The following LYN variants were observed in gnomAD, a reference collection of about 807,000 sequenced individuals.
LYN encodes LYN proto-oncogene, Src family tyrosine kinase, also known as tyrosine-protein kinase Lyn.
Under a neutral mutation model 65.0 loss-of-function variants are expected in LYN, and 12 were observed. That is an observed-to-expected ratio of 0.18 (90% CI 0.12 to 0.30). LYN has a LOEUF of 0.30. Ranked by LOEUF, LYN falls within the 10% of genes least tolerant of loss-of-function variation. LYN has a pLI of 1.00. For synonymous variants in LYN, 222 were observed against 221.2 expected, an observed-to-expected ratio of 1.00 and a Z score of -0.03; for missense variants, 380 against 623.2, an observed-to-expected ratio of 0.61 and a Z score of 4.16.
intron 1 of LYN, among the ~76,000 whole-genome samples, chr8:55,887,332 C>T (rs1031918388): frequency 3.3e-5 from 5 of 151,880 alleles, no homozygotes; most frequent in Admixed American, 3.3e-4. Flanking sequence ...TGACATGATA[C>T]CATTTCTGAA....
At chr8:55,955,740 C>T (rs1353640071) in intron 8 of LYN, among the ~76,000 whole-genome samples, 1 of 152,228 alleles carries the variant, frequency 6.6e-6, no homozygotes, top group African/African-American at 2.4e-5. Flanking sequence ...ATGAATTTAA[C>T]CACTCTAGGT....
chr8:55,973,213 A>C (rs1250834949), intron 10 of LYN, among the ~76,000 whole-genome samples: 2 of 152,140 alleles, frequency 1.3e-5, no homozygotes, highest in Admixed American at 1.3e-4. Context: ...AAAGTGGCTA[A>C]GTGCACGTGA....
intron 1 of LYN, among the ~76,000 whole-genome samples, chr8:55,927,840 G>A (rs1262768891): frequency 6.8e-6 from 1 of 148,086 alleles, no homozygotes; most frequent in Non-Finnish European, 1.5e-5. Flanking sequence ...TGTCCCAAGG[G>A]GGAAAAAAAA....
chr8:55,943,947 G>A (rs534669143), intron 2 of LYN, among the ~76,000 whole-genome samples: 28 of 152,220 alleles, frequency 1.8e-4, no homozygotes, highest in African/African-American at 6.5e-4. Context: ...GCTGGGCATG[G>A]TGGCACATGC....
chr8:55,941,845 G>A lies in LYN; in HGVS notation c.-5-10G>A, dbSNP rs1290948983. On this transcript the variant is annotated splice_polypyrimidine_tract_variant and intron_variant, in intron 1 of 12. Transcript: ENST00000519728. ...GGTAAAACAATGTCATTACTTTTAT[G>A]TTTCAACAGGAAATATGGGATGTAT... is the stretch of plus-strand genomic sequence containing the variant. 21 of 1,610,896 alleles carry A rather than the reference G, an allele frequency of 1.3e-5. No homozygotes were observed. The highest frequency in any genetic ancestry group is 4.4e-5 in the South Asian group (4 of 90,984).
chr8:55,996,679 C>T (rs187149624), intron 10 of LYN, among the ~76,000 whole-genome samples: 104 of 152,062 alleles, frequency 6.8e-4, no homozygotes, highest in Non-Finnish European at 1.2e-3. Context: ...TTTCTTCCTT[C>T]CTTCTCCTTA....
chr8:55,898,993 T>G (rs1420148975), intron 1 of LYN, among the ~76,000 whole-genome samples: 1 of 49,690 alleles, frequency 2.0e-5, no homozygotes, highest in African/African-American at 1.2e-4. Flanking sequence ...CTGGGCTAAT[T>G]TTTTTTATTT....
At chr8:55,952,491 C>T (rs1806980321) in intron 7 of LYN, among the ~76,000 whole-genome samples, 1 of 152,082 alleles carries the variant, frequency 6.6e-6, no homozygotes, top group African/African-American at 2.4e-5. Flanking sequence ...ACACAGGAGG[C>T]GGAGATTGCA....
chr8:55,979,420 A>C (rs1807855338), intron 10 of LYN, among the ~76,000 whole-genome samples: 1 of 152,180 alleles, frequency 6.6e-6, no homozygotes, highest in African/African-American at 2.4e-5. Flanking sequence ...AACTTAAATT[A>C]TTGGTTTTTA....
intron 10 of LYN, among the ~76,000 whole-genome samples, chr8:55,977,320 T>C (rs1807785772): frequency 6.6e-6 from 1 of 152,266 alleles, no homozygotes; most frequent in Non-Finnish European, 1.5e-5. Flanking sequence ...GCAAATAGTT[T>C]CAACAGGACT....
At position 55,972,806 on chromosome 8, in the gene LYN, A is replaced by C. The variant is rs886568383; in HGVS notation, c.1050+3013A>C. On this transcript the variant is annotated intron_variant, in intron 10 of 12. Coordinates refer to ENST00000519728, the MANE Select transcript of LYN (RefSeq NM_002350.4). The stretch of plus-strand genomic sequence containing the variant: ...CCAACCTTTTCTATACCTTCCCCCC[A>C]CTTTACTATTTAGGGTGGAAATTTA... Among the ~76,000 whole-genome samples, 6 of 151,936 alleles carry C rather than the reference A, an allele frequency of 3.9e-5. No homozygotes were observed. The East Asian group carries it at 9.6e-4, about 24-fold the overall frequency.
intron 9 of LYN, 28 bp downstream of exon 9, chr8:55,966,925 G>A: frequency 6.3e-7 from 1 of 1,594,618 alleles, no homozygotes; most frequent in South Asian, 1.1e-5. Context: ...CCCAGAGCTT[G>A]CAAGGGCTTC....
intron 2 of LYN, among the ~76,000 whole-genome samples, chr8:55,943,118 T>C (rs1806674779): frequency 6.6e-6 from 1 of 152,190 alleles, no homozygotes; most frequent in African/African-American, 2.4e-5. Flanking sequence ...ACATCACATT[T>C]TATGGAAAGG....
At chr8:55,973,781 G>A (rs936701946) in intron 10 of LYN, among the ~76,000 whole-genome samples, 9 of 152,212 alleles carry the variant, frequency 5.9e-5, no homozygotes, top group African/African-American at 2.2e-4. Context: ...TTAAATGTCA[G>A]TAAAAACTGC....
intron 1 of LYN, among the ~76,000 whole-genome samples, chr8:55,887,242 C>T (rs1255126693): frequency 6.6e-6 from 1 of 152,200 alleles, no homozygotes; most frequent in African/African-American, 2.4e-5. Flanking sequence ...ATTGCTTGAG[C>T]TCAGGAGCTC....
At chr8:55,996,736 G>A (rs774272454) in intron 10 of LYN, among the ~76,000 whole-genome samples, 4 of 151,802 alleles carry the variant, frequency 2.6e-5, no homozygotes, top group African/African-American at 7.3e-5. Flanking sequence ...ACTTTGGAAC[G>A]ATACTACACT....
chr8:55,997,463 G>A (rs1808402851), intron 10 of LYN, among the ~76,000 whole-genome samples: 1 of 152,154 alleles, frequency 6.6e-6, no homozygotes, highest in Non-Finnish European at 1.5e-5. Flanking sequence ...CCATTTCCTG[G>A]TTCATAGATG....
chr8:55,975,483 G>A (rs577465223), intron 10 of LYN, among the ~76,000 whole-genome samples: 2 of 152,280 alleles, frequency 1.3e-5, no homozygotes, highest in Admixed American at 6.5e-5. Context: ...TATGTGAATC[G>A]TCACCAAAAG....
intron 4 of LYN, among the ~76,000 whole-genome samples, chr8:55,949,993 T>C (rs1349959427): frequency 6.6e-6 from 1 of 152,222 alleles, no homozygotes; most frequent in African/African-American, 2.4e-5. Flanking sequence ...TGACCTATTC[T>C]GGATATTTCA....
Sources: gnomAD v4.1 joint callset for allele counts (sites outside exome capture counted in the v4.1 genomes callset) on GRCh38, gnomAD v4.1.1 for gene constraint, MANE v1.5 for transcripts, NCBI Gene and HGNC (gene_info 2026-07-23, HGNC 2026-07-21) for gene names.